The following WDR37 variants were observed in gnomAD, a reference collection of about 807,000 sequenced individuals.
The protein encoded by WDR37 is WD repeat-containing protein 37.
WDR37 carries 19 observed loss-of-function variants against 62.9 expected under a neutral mutation model. That is an observed-to-expected ratio of 0.30 (90% CI 0.21 to 0.44). WDR37 has a LOEUF of 0.44. Among genes scored for constraint, WDR37 ranks in the 20% least tolerant of loss-of-function variants. The pLI, the probability that WDR37 is intolerant of heterozygous loss-of-function variation, is 1.00. For synonymous variants in WDR37, 250 were observed against 260.9 expected, an observed-to-expected ratio of 0.96 and a Z score of 0.40; for missense variants, 474 against 657.6, an observed-to-expected ratio of 0.72 and a Z score of 3.05.
rs1159514563 is a variant in WDR37 at position 1,105,577 on chromosome 10, G to C, written c.1103+310G>C. On this transcript the variant is annotated intron_variant, in intron 11 of 13. Coordinates refer to ENST00000263150, the MANE Select transcript of WDR37 (RefSeq NM_014023.4). The surrounding 1 kb of genome is among the most constrained non-coding windows in gnomAD (Gnocchi z 5.3). Reference sequence around the variant, plus strand: ...CTGCCAGAGCCTGTAGCTGAGCACAGGGGCCGGCCACGCCACCATAGGAGC... The same window carrying C: ...CTGCCAGAGCCTGTAGCTGAGCACACGGGCCGGCCACGCCACCATAGGAGC... Among the ~76,000 whole-genome samples the C allele has an allele frequency of 6.6e-6, 1 of 152,170 alleles. No homozygotes were observed. Among genetic ancestry groups the C allele is most frequent in the Non-Finnish European group, 1.5e-5 (1 of 68,026 alleles).
In WDR37 at chr10:1,103,416, G is replaced by A. The variant is rs1197486851; in HGVS notation, c.727-186G>A. 2.0e-5 allele frequency among the ~76,000 whole-genome samples: 3 copies of A among 152,146 alleles called. No individual in the cohort carries two copies. The highest frequency in any genetic ancestry group is 4.4e-5 in the Non-Finnish European group (3 of 68,024). On this transcript the variant is annotated intron_variant, in intron 9 of 13. Transcript: ENST00000263150. The surrounding 1 kb of genome is among the most constrained non-coding windows in gnomAD (Gnocchi z 6.3). ...TCGTAGAGTTGATGGGTGTTCACGGGCAGCAGTTATGGGTCAGAGGAGGAC... is the reference window on the plus strand; with the variant it reads ...TCGTAGAGTTGATGGGTGTTCACGGACAGCAGTTATGGGTCAGAGGAGGAC...
At chr10:1,128,672 A>C (rs1049860508) in intron 13 of WDR37, among the ~76,000 whole-genome samples, 1 of 152,226 alleles carries the variant, frequency 6.6e-6, no homozygotes, top group South Asian at 2.1e-4. Context: ...TTTTTGTCTG[A>C]CTGTAATCTT....
intron 8 of WDR37, among the ~76,000 whole-genome samples, chr10:1,095,200 G>A (rs1834533032): frequency 7.2e-6 from 1 of 138,200 alleles, no homozygotes; most frequent in African/African-American, 2.8e-5. Context: ...AATGTGAGGT[G>A]ACGAGCATGG....
intron 11 of WDR37, among the ~76,000 whole-genome samples, chr10:1,109,400 G>A (rs1237532520): frequency 2.6e-5 from 4 of 152,242 alleles, no homozygotes; most frequent in Admixed American, 1.3e-4. Context: ...CCATTTGACT[G>A]TGAAGTGAAG....
intron 1 of WDR37, among the ~76,000 whole-genome samples, chr10:1,059,080 A>G (rs1243854675): frequency 6.6e-6 from 1 of 152,228 alleles, no homozygotes; most frequent in African/African-American, 2.4e-5. Context: ...GAAAGTGTAA[A>G]TTAAGAATTT....
chr10:1,092,872 CAAAAAAAAAA>C (rs56220560), intron 7 of WDR37, among the ~76,000 whole-genome samples: 8 of 41,976 alleles, frequency 1.9e-4, no homozygotes, highest in Middle Eastern at 0.016. Flanking sequence ...CCCTATCTCA[CAAAAAAAAAA>C]AAAAAAAAAA....
chr10:1,131,683 GGTGTGTGTGTGTGT>G lies in WDR37; in HGVS notation c.*2355_*2368del, dbSNP rs58548853. The G allele has an allele frequency of 3.7e-5, 5 of 133,748 alleles. No homozygotes were observed. Among genetic ancestry groups the G allele is most frequent in the Non-Finnish European group, 6.9e-5 (4 of 58,008 alleles). 8.3% of individuals were successfully genotyped at this position (133,748 alleles called of 1,614,324 possible). On this transcript the variant is annotated 3_prime_UTR_variant, in exon 14 of 14. Transcript: ENST00000263150. ...AGGAGTCACAGACAAGATCGGGGATGGTGTGTGTGTGTGTGTGTGTGTGTGTGTGCACGTGTGTG... is the reference window on the plus strand; with the variant it reads ...AGGAGTCACAGACAAGATCGGGGATGGTGTGTGTGTGTGTGCACGTGTGTG...
intron 11 of WDR37, among the ~76,000 whole-genome samples, chr10:1,119,324 C>T (rs1050284677): frequency 2.0e-5 from 3 of 152,202 alleles, no homozygotes; most frequent in African/African-American, 7.2e-5. Context: ...TTCTTTGTGT[C>T]ATAGCCAAGG....
chr10:1,096,618 T>A, intron 9 of WDR37: 1 of 231,712 alleles, frequency 4.3e-6, no homozygotes, highest in Non-Finnish European at 8.5e-6. Flanking sequence ...AATAAATGTC[T>A]GTTTTTTATG....
At chr10:1,109,262 T>G (rs1835131896) in intron 11 of WDR37, among the ~76,000 whole-genome samples, 1 of 152,246 alleles carries the variant, frequency 6.6e-6, no homozygotes, top group South Asian at 2.1e-4. Flanking sequence ...TCTGTTCAGT[T>G]GCCATATTTA....
chr10:1,096,064 C>G (rs1035791281), intron 8 of WDR37, 106 bp from the exon 9 acceptor site: 1 of 1,041,778 alleles, frequency 9.6e-7, no homozygotes, highest in Non-Finnish European at 1.5e-6. Flanking sequence ...TAAGTGGTCA[C>G]TAAGCTGGAA....
intron 2 of WDR37, among the ~76,000 whole-genome samples, chr10:1,076,397 C>T (rs923933125): frequency 2.0e-5 from 3 of 152,036 alleles, no homozygotes; most frequent in Non-Finnish European, 4.4e-5. Flanking sequence ...GTTTACAACT[C>T]GGCCACGCGC....
At position 1,072,137 on chromosome 10, in the gene WDR37, ACACTAC is replaced by A. The variant is rs1175899959; in HGVS notation, c.-17_-12del. ...TTAGCTTATTGCAGGAGTGACCAGG[ACACTAC>A]CTCCTAGAAGTAATGCCCACAGAAA... On this transcript the variant is annotated 5_prime_UTR_variant, in exon 2 of 14. Transcript: ENST00000263150. The A allele has an allele frequency of 6.2e-7, 1 of 1,613,774 alleles. No individual in the cohort carries two copies. Among genetic ancestry groups the A allele is most frequent in the East Asian group, 2.2e-5 (1 of 44,878 alleles).
chr10:1,078,032 T>G, intron 3 of WDR37, 29 bp downstream of exon 3: 1 of 1,528,728 alleles, frequency 6.5e-7, no homozygotes, highest in Non-Finnish European at 9.0e-7. Flanking sequence ...AATATACTTT[T>G]ATAGCTTTAC....
intron 1 of WDR37, among the ~76,000 whole-genome samples, chr10:1,063,695 AC>A (rs1454438460): frequency 1.3e-5 from 2 of 151,840 alleles, no homozygotes; most frequent in Non-Finnish European, 1.5e-5. Flanking sequence ...TCATGAGGCC[AC>A]CCCCCTGTGG....
chr10:1,095,142 T>G, intron 8 of WDR37, among the ~76,000 whole-genome samples: 1 of 139,170 alleles, frequency 7.2e-6, no homozygotes, highest in African/African-American at 2.8e-5. Context: ...AGGGTTAGAC[T>G]GGGAAAGATG....
intron 7 of WDR37, among the ~76,000 whole-genome samples, chr10:1,089,249 T>C (rs746741581): frequency 1.6e-4 from 24 of 151,962 alleles, no homozygotes; most frequent in Non-Finnish European, 3.2e-4. Flanking sequence ...CCTGGCTGCC[T>C]CTTCTGAGGG....
rs1835909248 is a variant in WDR37, at chr10:1,129,404, T to A, written c.*60T>A. The A allele has an allele frequency of 1.2e-6, 2 of 1,600,568 alleles. No individual in the cohort carries two copies. The highest frequency in any genetic ancestry group is 3.4e-5 in the Admixed American group (2 of 59,364). ...GCACAGACCTTTGATGGGTGCAGGC[T>A]TTTCTGCGTATTAATCAGCCATTTT... On this transcript the variant is annotated 3_prime_UTR_variant, in exon 14 of 14. Coordinates refer to ENST00000263150, the MANE Select transcript of WDR37 (RefSeq NM_014023.4).
intron 9 of WDR37, among the ~76,000 whole-genome samples, chr10:1,098,327 T>G (rs1048866464): frequency 1.1e-5 from 1 of 95,036 alleles, no homozygotes; most frequent in African/African-American, 3.8e-5. Context: ...CATCTGTCCG[T>G]TTTTTTTTTT....
Sources: gnomAD v4.1 joint callset for allele counts (sites outside exome capture counted in the v4.1 genomes callset) on GRCh38, gnomAD v4.1.1 for gene constraint, Gnocchi (gnomAD v3.1) non-coding constraint, MANE v1.5 for transcripts, NCBI Gene and HGNC (gene_info 2026-07-23, HGNC 2026-07-21) for gene names.